Variants in SOX5 observed in about 807,000 individuals in gnomAD.
SOX5 encodes the protein transcription factor SOX-5.
In SOX5, 9 loss-of-function variants were observed where a neutral mutation model predicts 92.0. The observed-to-expected ratio is 0.10, with a 90% CI of 0.06 to 0.17. The LOEUF (loss-of-function observed/expected upper bound fraction) is 0.17, where lower values mean the gene tolerates loss of function less well. SOX5 is among the 10% of genes least tolerant of loss of function. SOX5 has a pLI of 1.00. For missense variants in SOX5, 642 were observed against 944.5 expected, an observed-to-expected ratio of 0.68 and a Z score of 4.20; for synonymous variants, 344 against 336.3, an observed-to-expected ratio of 1.02 and a Z score of -0.25.
At chr12:24,534,668 T>A (rs1431992181) in intron 1 of SOX5, among the ~76,000 whole-genome samples, 3 of 152,226 alleles carry the variant, frequency 2.0e-5, no homozygotes, top group Admixed American at 1.3e-4. Context: ...GTTTAACGTG[T>A]TCACTGAGCC....
At chr12:23,688,904 A>G (rs1296185676) in intron 6 of SOX5, among the ~76,000 whole-genome samples, 1 of 152,162 alleles carries the variant, frequency 6.6e-6, no homozygotes, top group African/African-American at 2.4e-5. Flanking sequence ...GAACAACCAA[A>G]TAGATGAGAG....
intron 11 of SOX5, among the ~76,000 whole-genome samples, chr12:23,555,411 A>C (rs1336373911): frequency 6.6e-6 from 1 of 152,084 alleles, no homozygotes; most frequent in Non-Finnish European, 1.5e-5. Flanking sequence ...GATGTAAAGA[A>C]CACAAGACTC....
At chr12:23,880,908 AG>A (rs2096981711) in intron 2 of SOX5, among the ~76,000 whole-genome samples, 1 of 152,262 alleles carries the variant, frequency 6.6e-6, no homozygotes, top group African/African-American at 2.4e-5. Flanking sequence ...TAACATTTTT[AG>A]AACACTGAAT....
intron 4 of SOX5, among the ~76,000 whole-genome samples, chr12:24,141,339 G>C (rs1014811613): frequency 6.6e-6 from 1 of 152,134 alleles, no homozygotes; most frequent in African/African-American, 2.4e-5. Context: ...AGTTTTAAGG[G>C]AAAAATGGCT....
intron 1 of SOX5, among the ~76,000 whole-genome samples, chr12:24,505,471 C>T (rs1948627821): frequency 1.3e-5 from 2 of 152,182 alleles, no homozygotes; most frequent in South Asian, 2.1e-4. Context: ...ATGTGTTATG[C>T]TTTTCATACG....
intron 3 of SOX5, among the ~76,000 whole-genome samples, chr12:24,262,903 T>C (rs958597560): frequency 6.6e-6 from 1 of 152,134 alleles, no homozygotes; most frequent in African/African-American, 2.4e-5. Flanking sequence ...GCAACATACA[T>C]ACATTGCCTC....
rs115467059 is a variant in SOX5 at position 24,198,408 on chromosome 12, T to G, written c.-2+14935A>C. 3.6e-3 allele frequency among the ~76,000 whole-genome samples: 554 copies of G among 152,334 alleles called. 4 individuals carry two copies. Among genetic ancestry groups the G allele is most frequent in the African/African-American group, 0.012 (501 of 41,568 alleles). On this transcript the variant is annotated intron_variant, in intron 4 of 4. Transcript: ENST00000446891. ...ACTTAAACATTTTATTTCGAGTTGTTTATCTGGATCTCTCTATTGAGCTGT... is the reference window on the plus strand; with the variant it reads ...ACTTAAACATTTTATTTCGAGTTGTGTATCTGGATCTCTCTATTGAGCTGT...
rs531252046 is a variant in SOX5, at chr12:24,111,363, T to C, written c.-2+101980A>G. 5.9e-5 allele frequency among the ~76,000 whole-genome samples: 9 copies of C among 152,296 alleles called. No homozygotes were observed. The South Asian group carries it at 1.9e-3, about 32-fold the overall frequency. On this transcript the variant is annotated intron_variant, in intron 4 of 4. Coordinates refer to the SOX5 transcript ENST00000446891. Reference sequence around the variant, plus strand: ...GAATTTATACAATGCATCCTGTGAGTATCAGACTAGTCAACACTGTCAGAT... The same window carrying C: ...GAATTTATACAATGCATCCTGTGAGCATCAGACTAGTCAACACTGTCAGAT...
At chr12:23,574,503 T>C (rs547076870) in intron 10 of SOX5, among the ~76,000 whole-genome samples, 20 of 152,216 alleles carry the variant, frequency 1.3e-4, no homozygotes, top group Non-Finnish European at 2.2e-4. Context: ...CTTTACCAGA[T>C]ACATTCTATT....
chr12:24,257,899 G>A (rs1346957097), intron 3 of SOX5, among the ~76,000 whole-genome samples: 1 of 152,062 alleles, frequency 6.6e-6, no homozygotes, highest in East Asian at 1.9e-4. Flanking sequence ...TTCTGGTCAG[G>A]CGCCATGGCT....
At chr12:24,055,534 T>C (rs567135217) in intron 4 of SOX5, among the ~76,000 whole-genome samples, 195 of 152,314 alleles carry the variant, frequency 1.3e-3, no homozygotes, top group African/African-American at 4.5e-3. Flanking sequence ...CTGCATCGTG[T>C]TTTCCCCCTA....
chr12:23,799,059 G>A (rs967441478), intron 3 of SOX5, among the ~76,000 whole-genome samples: 2 of 151,882 alleles, frequency 1.3e-5, no homozygotes, highest in South Asian at 4.1e-4. Flanking sequence ...ACTTACAAAA[G>A]GTCCTATCTC....
intron 12 of SOX5, among the ~76,000 whole-genome samples, 186 bp from the exon 13 acceptor site, chr12:23,543,570 T>C (rs1240455519): frequency 6.6e-6 from 1 of 152,242 alleles, no homozygotes; most frequent in Non-Finnish European, 1.5e-5. Context: ...GTGGCAAATG[T>C]TATATTTGTA....
At chr12:24,422,877 G>T (rs1335554847) in intron 1 of SOX5, among the ~76,000 whole-genome samples, 1 of 152,098 alleles carries the variant, frequency 6.6e-6, no homozygotes, top group Non-Finnish European at 1.5e-5. Context: ...CAAGTGTGAT[G>T]GCACATGCCT....
chr12:23,588,822 CTA>C (rs1409807639), intron 9 of SOX5, among the ~76,000 whole-genome samples: 1 of 151,972 alleles, frequency 6.6e-6, no homozygotes, highest in East Asian at 1.9e-4. Flanking sequence ...CATGGACTGC[CTA>C]TATGACAGTG....
intron 1 of SOX5, among the ~76,000 whole-genome samples, chr12:23,943,526 T>G (rs1166713316): frequency 6.6e-6 from 1 of 152,092 alleles, no homozygotes; most frequent in African/African-American, 2.4e-5. Flanking sequence ...TACGCTGCTG[T>G]ACCACCTTCA....
intron 1 of SOX5, among the ~76,000 whole-genome samples, chr12:23,934,443 C>T (rs938405112): frequency 1.3e-5 from 2 of 148,830 alleles, no homozygotes; most frequent in African/African-American, 2.4e-5. Context: ...ACACATTATA[C>T]ACATACATGA....
chr12:23,979,581 A>ACTG (rs1949282124), intron 4 of SOX5, among the ~76,000 whole-genome samples: 1 of 151,806 alleles, frequency 6.6e-6, no homozygotes, highest in Non-Finnish European at 1.5e-5. Context: ...GCCTCCTAAA[A>ACTG]AAAGAAAATG....
intron 3 of SOX5, chr12:24,223,332 T>C (rs1960978215): frequency 6.6e-6 from 1 of 152,224 alleles, no homozygotes; most frequent in Non-Finnish European, 1.5e-5. Flanking sequence ...AGGTATTGAA[T>C]AACCAAAGTC....
Sources: gnomAD v4.1 joint callset for allele counts (sites outside exome capture counted in the v4.1 genomes callset) on GRCh38, gnomAD v4.1.1 for gene constraint, MANE v1.5 for transcripts, NCBI Gene and HGNC (gene_info 2026-07-23, HGNC 2026-07-21) for gene names.